CTNNA2: variants seen among roughly 807,000 people sequenced by gnomAD.
CTNNA2 encodes catenin alpha-2.
Under a neutral mutation model 101.0 loss-of-function variants are expected in CTNNA2, and 42 were observed. The observed-to-expected ratio is 0.42, with a 90% CI of 0.32 to 0.54. The LOEUF (loss-of-function observed/expected upper bound fraction) is 0.54, where lower values mean the gene tolerates loss of function less well. CTNNA2 is among the 20% of genes least tolerant of loss of function. CTNNA2 has a pLI of 0.14. For missense variants in CTNNA2, 871 were observed against 1,223.1 expected (o/e 0.71, Z 4.29); for synonymous variants, 450 against 456.4 (o/e 0.99, Z 0.18).
At chr2:80,106,494 G>A (rs1354836273) in intron 7 of CTNNA2, among the ~76,000 whole-genome samples, 1 of 152,112 alleles carries the variant, frequency 6.6e-6, no homozygotes, top group African/African-American at 2.4e-5. Context: ...ACAGAGGATG[G>A]TTAACTCTGC....
At position 80,608,414 on chromosome 2, in the gene CTNNA2, CAGTGATTTAT is replaced by C. The variant is rs1698199612; in HGVS notation, c.2430+99_2430+108del. ...CAGTACTGCTAAAAACACCAAACTA[CAGTGATTTAT>C]AGGGAGGGCTTTTTTTAAATAAATG... On this transcript the variant is annotated intron_variant, in intron 17 of 18. Transcript: ENST00000402739. 7 of 1,349,130 alleles carry C rather than the reference CAGTGATTTAT, an allele frequency of 5.2e-6. No homozygotes were observed. In the South Asian group the frequency reaches 9.1e-5, roughly 17 times the overall value. 83.6% of individuals were successfully genotyped at this position (1,349,130 alleles called of 1,614,324 possible).
chr2:79,617,147 C>T (rs1180074252), intron 1 of CTNNA2, among the ~76,000 whole-genome samples: 1 of 152,060 alleles, frequency 6.6e-6, no homozygotes, highest in Non-Finnish European at 1.5e-5. Context: ...CGTGATCCGC[C>T]CACCTTGGCC....
chr2:80,619,312 A>C, intron 18 of CTNNA2, 84 bp downstream of exon 18: 3 of 1,339,594 alleles, frequency 2.2e-6, no homozygotes, highest in Non-Finnish European at 1.9e-6. Context: ...TTAGGGAAAT[A>C]AAAATGTGCC....
chr2:80,252,141 A>C (rs1012116067), intron 7 of CTNNA2, among the ~76,000 whole-genome samples: 2 of 152,148 alleles, frequency 1.3e-5, no homozygotes, highest in Non-Finnish European at 2.9e-5. Flanking sequence ...AGTTATTTAC[A>C]TCTCTCTGTG....
intron 8 of CTNNA2, among the ~76,000 whole-genome samples, chr2:80,416,666 G>A (rs1680073749): frequency 6.6e-6 from 1 of 151,458 alleles, no homozygotes; most frequent in South Asian, 2.1e-4. Flanking sequence ...GTTGTAATAT[G>A]TCTTTATTGT....
chr2:80,587,921 G>A (rs554712193), intron 14 of CTNNA2, among the ~76,000 whole-genome samples: 1 of 152,246 alleles, frequency 6.6e-6, no homozygotes, highest in South Asian at 2.1e-4. Flanking sequence ...TACCTAAATG[G>A]TGTTTAACAA....
intron 1 of CTNNA2, among the ~76,000 whole-genome samples, chr2:79,638,614 T>C (rs1364526562): frequency 6.6e-6 from 1 of 152,224 alleles, no homozygotes; most frequent in Non-Finnish European, 1.5e-5. Context: ...AAGCAGTACC[T>C]GTTTACTTTA....
chr2:79,752,801 C>T (rs1672130109), intron 3 of CTNNA2, among the ~76,000 whole-genome samples: 1 of 152,072 alleles, frequency 6.6e-6, no homozygotes, highest in African/African-American at 2.4e-5. Flanking sequence ...CAACTGTTTG[C>T]CTGCTTGCTT....
At chr2:79,635,603 A>G (rs1474023093) in intron 1 of CTNNA2, among the ~76,000 whole-genome samples, 1 of 150,766 alleles carries the variant, frequency 6.6e-6, no homozygotes, top group Non-Finnish European at 1.5e-5. Flanking sequence ...TCCCAGGCTC[A>G]AGCAATTTTC....
intron 7 of CTNNA2, among the ~76,000 whole-genome samples, chr2:80,269,409 C>T (rs1248139983): frequency 6.6e-6 from 1 of 152,154 alleles, no homozygotes; most frequent in Non-Finnish European, 1.5e-5. Flanking sequence ...GAGGCCTCCC[C>T]AGCCCTTCAG....
At chr2:79,992,002 G>A (rs1221652126) in intron 7 of CTNNA2, among the ~76,000 whole-genome samples, 1 of 152,114 alleles carries the variant, frequency 6.6e-6, no homozygotes, top group Non-Finnish European at 1.5e-5. Context: ...CACCACAAAT[G>A]CCTTAAAAAT....
intron 7 of CTNNA2, among the ~76,000 whole-genome samples, chr2:80,194,889 T>C (rs548145915): frequency 5.8e-4 from 88 of 151,996 alleles, no homozygotes; most frequent in African/African-American, 2.0e-3. Flanking sequence ...TATTTGACTT[T>C]AGATTCCTGC....
At chr2:80,643,325 G>GCTTCTAT (rs1673692022) in intron 18 of CTNNA2, among the ~76,000 whole-genome samples, 1 of 152,154 alleles carries the variant, frequency 6.6e-6, no homozygotes, top group Non-Finnish European at 1.5e-5. Context: ...TTAGCAGTGT[G>GCTTCTAT]ATAATGGGCA....
At chr2:79,453,036 T>G (rs1391423010) in intron 4 of CTNNA2, among the ~76,000 whole-genome samples, 2 of 152,052 alleles carry the variant, frequency 1.3e-5, no homozygotes, top group Non-Finnish European at 2.9e-5. Flanking sequence ...ATTTGGAAAA[T>G]TTGGAGAAAC....
intron 7 of CTNNA2, among the ~76,000 whole-genome samples, chr2:80,320,252 G>A (rs1678547653): frequency 6.6e-6 from 1 of 152,174 alleles, no homozygotes; most frequent in Non-Finnish European, 1.5e-5. Flanking sequence ...TAATTTTATT[G>A]TTTTTGTCAC....
chr2:79,744,694 C>A lies in CTNNA2; in HGVS notation c.298+112C>A, dbSNP rs115094550. On this transcript the variant is annotated intron_variant, in intron 3 of 18. Transcript: ENST00000402739. ...CAAAGAAGAAGTCTTACGTTTTTTT[C>A]CTTTCTATCTACACTTGTCATTTTT... 1,708 of 1,027,250 alleles carry A rather than the reference C, an allele frequency of 1.7e-3. 19 individuals carry two copies. In the African/African-American group the frequency reaches 0.025, roughly 15 times the overall value. The allele number at this position is 1,027,250 out of a possible 1,614,324, so 63.6% of individuals were successfully genotyped here. A position where few individuals can be genotyped will look rare whatever the true frequency, so the allele number is the denominator to read the frequency against.
At chr2:79,535,522 C>A (rs1187390655) in intron 1 of CTNNA2, among the ~76,000 whole-genome samples, 1 of 151,778 alleles carries the variant, frequency 6.6e-6, no homozygotes, top group Non-Finnish European at 1.5e-5. Flanking sequence ...GCTTTTATAA[C>A]CAGGCAAAAT....
intron 7 of CTNNA2, among the ~76,000 whole-genome samples, chr2:80,168,108 G>C (rs1704816870): frequency 6.6e-6 from 1 of 152,104 alleles, no homozygotes; most frequent in South Asian, 2.1e-4. Flanking sequence ...TCCTGAATAG[G>C]TATCAGAGAG....
At chr2:80,027,249 G>T (rs1574575823) in intron 7 of CTNNA2, among the ~76,000 whole-genome samples, 1 of 152,166 alleles carries the variant, frequency 6.6e-6, no homozygotes, top group East Asian at 1.9e-4. Flanking sequence ...AGGTTTTCCA[G>T]TCAGAGGGTA....
Sources: allele counts gnomAD v4.1 joint callset (sites outside exome capture counted in the v4.1 genomes callset), GRCh38; gene constraint gnomAD v4.1.1; transcripts MANE v1.5; gene names NCBI Gene and HGNC (gene_info 2026-07-23, HGNC 2026-07-21).